Variants in DOK6 observed in about 807,000 individuals in gnomAD.
The protein encoded by DOK6 is docking protein 6, also known as downstream of tyrosine kinase 6.
DOK6 carries 22 observed loss-of-function variants against 44.0 expected under a neutral mutation model. The ratio of observed to expected loss-of-function variants is 0.50; its 90% CI spans 0.36 to 0.71. DOK6 has a LOEUF of 0.71. Ranked by LOEUF, DOK6 falls within the 30% of genes least tolerant of loss-of-function variation. The pLI, the probability that DOK6 is intolerant of heterozygous loss-of-function variation, is 0.00. For synonymous variants in DOK6, 166 were observed against 145.5 expected (o/e 1.14, Z -1.01); for missense variants, 340 against 416.4 (o/e 0.82, Z 1.60).
At chr18:69,626,206 C>A (rs1325996488) in intron 3 of DOK6, among the ~76,000 whole-genome samples, 1 of 152,160 alleles carries the variant, frequency 6.6e-6, no homozygotes, top group Non-Finnish European at 1.5e-5. Context: ...ACATTTTTCA[C>A]AAATATAAAA....
chr18:69,510,747 G>A (rs765963780), intron 1 of DOK6, among the ~76,000 whole-genome samples: 1 of 152,064 alleles, frequency 6.6e-6, no homozygotes, highest in African/African-American at 2.4e-5. Flanking sequence ...TCAATCATTT[G>A]GAAAAATGTG....
intron 2 of DOK6, among the ~76,000 whole-genome samples, chr18:69,579,496 C>G (rs1436949505): frequency 6.6e-6 from 1 of 151,970 alleles, no homozygotes; most frequent in East Asian, 1.9e-4. Context: ...ATGCTGGAAG[C>G]TATCATGTTA....
chr18:69,416,071 A>G lies in DOK6; in HGVS notation c.66+14761A>G, dbSNP rs186954273. Reference sequence around the variant, plus strand: ...TAGAAAAATTTTTTGGAAGGAAGGAAGGAAAGGAGGGAGGAAGGGAGAGAG... The same window carrying G: ...TAGAAAAATTTTTTGGAAGGAAGGAGGGAAAGGAGGGAGGAAGGGAGAGAG... On this transcript the variant is annotated intron_variant, in intron 1 of 7. Transcript: ENST00000382713. Among the ~76,000 whole-genome samples, 96 of 138,892 alleles carry G rather than the reference A, an allele frequency of 6.9e-4. 1 individual carries two copies. The highest frequency in any genetic ancestry group is 4.6e-3 in the Admixed American group (66 of 14,222). The allele number at this position is 138,892 out of a possible 152,430, so 91.1% of individuals were successfully genotyped here.
chr18:69,459,598 T>G (rs1010175836), intron 1 of DOK6, among the ~76,000 whole-genome samples: 6 of 152,212 alleles, frequency 3.9e-5, no homozygotes, highest in Admixed American at 3.3e-4. Flanking sequence ...CTCAGAACGA[T>G]GAAACTCACT....
intron 2 of DOK6, among the ~76,000 whole-genome samples, chr18:69,579,127 A>T (rs1429398309): frequency 1.3e-5 from 2 of 152,140 alleles, no homozygotes; most frequent in African/African-American, 2.4e-5. Context: ...TTTTGATCAT[A>T]ACTGTTTAAT....
chr18:69,628,871 A>G (rs1013078091), intron 3 of DOK6, among the ~76,000 whole-genome samples: 1 of 152,206 alleles, frequency 6.6e-6, no homozygotes, highest in African/African-American at 2.4e-5. Flanking sequence ...AGTAGGATGC[A>G]TGTACATTTA....
chr18:69,748,326 C>T (rs1213866882), intron 6 of DOK6, among the ~76,000 whole-genome samples: 1 of 151,986 alleles, frequency 6.6e-6, no homozygotes, highest in Admixed American at 6.6e-5. Context: ...CAATATTAGA[C>T]AGATCACCGA....
chr18:69,819,691 T>G lies in DOK6; in HGVS notation c.857-21553T>G, dbSNP rs118190449. ...CCCACTTCCTCCTGCCCGTAGACCT[T>G]GAAAAGCATCATTTTACCCTGTTTC... On this transcript the variant is annotated intron_variant, in intron 7 of 7. Transcript: ENST00000382713. Among the ~76,000 whole-genome samples the G allele has an allele frequency of 8.5e-3, 1,299 of 152,286 alleles. 22 individuals carry two copies. The highest frequency in any genetic ancestry group is 0.076 in the East Asian group (396 of 5,178).
intron 2 of DOK6, among the ~76,000 whole-genome samples, chr18:69,587,401 C>G (rs923884086): frequency 9.2e-5 from 14 of 152,102 alleles, no homozygotes; most frequent in Non-Finnish European, 1.9e-4. Context: ...TCAAATCTCC[C>G]TCTCCTCGTC....
At chr18:69,470,042 A>C in intron 1 of DOK6, 1 of 163,018 alleles carries the variant, frequency 6.1e-6, no homozygotes, top group Non-Finnish European at 1.3e-5. Flanking sequence ...ACCCATCTCC[A>C]GGGGAAATTG....
At chr18:69,443,181 G>A (rs1311047008) in intron 1 of DOK6, among the ~76,000 whole-genome samples, 1 of 152,186 alleles carries the variant, frequency 6.6e-6, no homozygotes, top group Non-Finnish European at 1.5e-5. Flanking sequence ...TGAGCATGAC[G>A]TTCCAGGTTG....
intron 1 of DOK6, among the ~76,000 whole-genome samples, chr18:69,414,896 G>A (rs963071435): frequency 6.6e-6 from 1 of 152,058 alleles, no homozygotes; most frequent in African/African-American, 2.4e-5. Context: ...CACAATTATA[G>A]TGGAAGTAGC....
intron 3 of DOK6, among the ~76,000 whole-genome samples, chr18:69,676,747 T>C (rs1985931125): frequency 6.6e-6 from 1 of 152,212 alleles, no homozygotes; most frequent in African/African-American, 2.4e-5. Flanking sequence ...ACTTGGTTGA[T>C]TTCCAATTCT....
intron 1 of DOK6, among the ~76,000 whole-genome samples, chr18:69,431,655 T>G (rs1978809788): frequency 6.6e-6 from 1 of 152,176 alleles, no homozygotes; most frequent in Middle Eastern, 3.2e-3. Flanking sequence ...ATTTTTAATT[T>G]CTCACCATAA....
At chr18:69,721,375 A>G (rs566840510) in intron 5 of DOK6, 1 of 152,350 alleles carries the variant, frequency 6.6e-6, no homozygotes, top group East Asian at 1.9e-4. Flanking sequence ...CAGGTGCTTG[A>G]TGAAGTACTC....
intron 7 of DOK6, among the ~76,000 whole-genome samples, chr18:69,828,719 G>A (rs1981812623): frequency 6.6e-6 from 1 of 150,680 alleles, no homozygotes; most frequent in South Asian, 2.1e-4. Flanking sequence ...ACTGTGGGCT[G>A]AGCACTACAT....
intron 7 of DOK6, among the ~76,000 whole-genome samples, chr18:69,828,832 A>G (rs147959698): frequency 3.5e-5 from 5 of 141,340 alleles, no homozygotes; most frequent in Admixed American, 1.5e-4. Flanking sequence ...TAAACAAAAA[A>G]GAACCAAGCT....
chr18:69,609,714 G>A (rs1201948543), intron 3 of DOK6, among the ~76,000 whole-genome samples: 1 of 152,086 alleles, frequency 6.6e-6, no homozygotes, highest in East Asian at 1.9e-4. Context: ...TTGAAGAGAT[G>A]TTAACACTCC....
At chr18:69,791,412 TTTGTTA>T (rs1980593028) in intron 7 of DOK6, among the ~76,000 whole-genome samples, 1 of 152,146 alleles carries the variant, frequency 6.6e-6, no homozygotes, top group South Asian at 2.1e-4. Context: ...CTCACCAGCA[TTTGTTA>T]TTGCCTGTCC....
Sources: allele counts gnomAD v4.1 joint callset (sites outside exome capture counted in the v4.1 genomes callset), GRCh38; gene constraint gnomAD v4.1.1; transcripts MANE v1.5; gene names NCBI Gene and HGNC (gene_info 2026-07-23, HGNC 2026-07-21).